The following CDK8 variants were observed in gnomAD, a reference collection of about 807,000 sequenced individuals.
The protein encoded by CDK8 is cyclin-dependent kinase 8.
Under a neutral mutation model 71.5 loss-of-function variants are expected in CDK8, and 29 were observed. That is an observed-to-expected ratio of 0.41 (90% CI 0.30 to 0.55). CDK8 has a LOEUF of 0.55. CDK8 is among the 20% of genes least tolerant of loss of function. The pLI, the probability that CDK8 is intolerant of heterozygous loss-of-function variation, is 0.37. For synonymous variants in CDK8, 161 were observed against 192.1 expected, an observed-to-expected ratio of 0.84 and a Z score of 1.34; for missense variants, 288 against 572.6, an observed-to-expected ratio of 0.50 and a Z score of 5.07.
chr13:26,295,896 C>T (rs900443824), intron 1 of CDK8, among the ~76,000 whole-genome samples: 3 of 152,066 alleles, frequency 2.0e-5, no homozygotes, highest in Non-Finnish European at 4.4e-5. Flanking sequence ...TTTCAATCTT[C>T]GTAAGCATTA....
intron 2 of CDK8, among the ~76,000 whole-genome samples, chr13:26,341,573 A>T (rs1226873599): frequency 1.3e-5 from 2 of 152,194 alleles, no homozygotes; most frequent in Non-Finnish European, 2.9e-5. Flanking sequence ...TTATAAATTA[A>T]GAATTTATTT....
chr13:26,304,597 C>G (rs1262186382), intron 1 of CDK8, among the ~76,000 whole-genome samples: 1 of 151,912 alleles, frequency 6.6e-6, no homozygotes, highest in Non-Finnish European at 1.5e-5. Flanking sequence ...TCCATTTACT[C>G]CCCCAGCCCT....
At chr13:26,305,812 C>G (rs917039379) in intron 1 of CDK8, among the ~76,000 whole-genome samples, 12 of 152,024 alleles carry the variant, frequency 7.9e-5, no homozygotes, top group African/African-American at 2.9e-4. Context: ...AATCTGTGTT[C>G]TATCTTGAGG....
intron 1 of CDK8, among the ~76,000 whole-genome samples, chr13:26,280,756 T>C (rs1398609952): frequency 1.3e-5 from 2 of 152,242 alleles, no homozygotes; most frequent in Non-Finnish European, 2.9e-5. Flanking sequence ...TCTGTCCACG[T>C]AGTCATGCCC....
chr13:26,326,780 T>C (rs546284128), intron 1 of CDK8, among the ~76,000 whole-genome samples: 4 of 152,292 alleles, frequency 2.6e-5, no homozygotes, highest in Admixed American at 1.3e-4. Context: ...GCAGTCTCTG[T>C]CTAATGATGC....
chr13:26,346,113 C>T (rs944638147), intron 2 of CDK8, among the ~76,000 whole-genome samples: 1 of 152,176 alleles, frequency 6.6e-6, no homozygotes, highest in Admixed American at 6.5e-5. Flanking sequence ...TTATTAATTG[C>T]TGGTTCTACC....
intron 1 of CDK8, among the ~76,000 whole-genome samples, chr13:26,259,268 T>G (rs533620363): frequency 6.6e-6 from 1 of 152,230 alleles, no homozygotes; most frequent in African/African-American, 2.4e-5. Flanking sequence ...CATCTGTAGA[T>G]TCAAGCAACT....
At chr13:26,269,622 A>G (rs1197155507) in intron 1 of CDK8, among the ~76,000 whole-genome samples, 3 of 152,266 alleles carry the variant, frequency 2.0e-5, no homozygotes, top group East Asian at 1.9e-4. Flanking sequence ...GAAAATTTCA[A>G]TGCAAGCAAA....
chr13:26,386,899 A>T (rs1022314749), intron 6 of CDK8, among the ~76,000 whole-genome samples: 4 of 152,158 alleles, frequency 2.6e-5, no homozygotes, highest in Non-Finnish European at 4.4e-5. Context: ...TGTATTTCAC[A>T]GTGATATGCT....
intron 1 of CDK8, among the ~76,000 whole-genome samples, chr13:26,278,774 T>C (rs1199449450): frequency 2.6e-5 from 4 of 152,204 alleles, no homozygotes; most frequent in Non-Finnish European, 5.9e-5. Flanking sequence ...GTTGACCCTG[T>C]GTATCTGTGG....
Position 26,290,430 on chromosome 13 carries a change from C to T in CDK8, c.128+35661C>T, listed in dbSNP as rs1015081468. Among the ~76,000 whole-genome samples, 5 of 152,050 alleles carry T rather than the reference C, an allele frequency of 3.3e-5. No homozygotes were observed. In the East Asian group the frequency reaches 9.6e-4, roughly 29 times the overall value. ...GATATGTAGTTGTAATAGAGTGAAA[C>T]TCACCTGATTATAGTATGCTTTGTA... On this transcript the variant is annotated intron_variant, in intron 1 of 12. Transcript: ENST00000381527.
intron 4 of CDK8, among the ~76,000 whole-genome samples, chr13:26,367,542 G>A (rs1452169082): frequency 6.6e-6 from 1 of 152,174 alleles, no homozygotes; most frequent in African/African-American, 2.4e-5. Context: ...AATGGGGCCA[G>A]ACCTATTTGT....
chr13:26,263,932 A>G (rs1429287200), intron 1 of CDK8, among the ~76,000 whole-genome samples: 1 of 151,412 alleles, frequency 6.6e-6, no homozygotes, highest in Non-Finnish European at 1.5e-5. Flanking sequence ...TACTTTTAGT[A>G]GAGACGGGGT....
chr13:26,300,879 G>A (rs1340215207), intron 1 of CDK8, among the ~76,000 whole-genome samples: 1 of 152,174 alleles, frequency 6.6e-6, no homozygotes, highest in Non-Finnish European at 1.5e-5. Context: ...AAATGGTAAA[G>A]ATAAAATAAT....
chr13:26,299,636 C>T (rs1873731900), intron 1 of CDK8, among the ~76,000 whole-genome samples: 1 of 152,200 alleles, frequency 6.6e-6, no homozygotes. Flanking sequence ...TTGCCTCTAG[C>T]ATGGGGTTTC....
At chr13:26,331,480 G>T (rs1593268485) in intron 1 of CDK8, among the ~76,000 whole-genome samples, 2 of 152,098 alleles carry the variant, frequency 1.3e-5, no homozygotes, top group South Asian at 4.1e-4. Context: ...TTTGTTGCCT[G>T]TGCTTTTGAG....
chr13:26,266,280 T>C (rs1872014765), intron 1 of CDK8, among the ~76,000 whole-genome samples: 1 of 152,240 alleles, frequency 6.6e-6, no homozygotes, highest in Non-Finnish European at 1.5e-5. Context: ...AGTTAGACTA[T>C]GTACTTAAAG....
Position 26,337,074 on chromosome 13 carries a change from G to A in CDK8, c.129-493G>A, listed in dbSNP as rs17083842. Among the ~76,000 whole-genome samples the A allele has an allele frequency of 6.9e-3, 1,050 of 152,258 alleles. 7 individuals are homozygous for A. Among genetic ancestry groups the A allele is most frequent in the African/African-American group, 0.01 (432 of 41,552 alleles). The stretch of plus-strand genomic sequence containing the variant: ...TAAGTGTTCAGTAAACACATGTTGC[G>A]TGAGTGTCTTTGAAAGTCTTTGGAG... On this transcript the variant is annotated intron_variant, in intron 1 of 12. Coordinates refer to ENST00000381527, the MANE Select transcript of CDK8 (RefSeq NM_001260.3).
At chr13:26,322,299 A>G (rs1565972051) in intron 1 of CDK8, among the ~76,000 whole-genome samples, 1 of 152,182 alleles carries the variant, frequency 6.6e-6, no homozygotes, top group Non-Finnish European at 1.5e-5. Context: ...GGTTAATATT[A>G]ACATTGCTAC....
Sources: gnomAD v4.1 joint callset for allele counts (sites outside exome capture counted in the v4.1 genomes callset) on GRCh38, gnomAD v4.1.1 for gene constraint, MANE v1.5 for transcripts, NCBI Gene and HGNC (gene_info 2026-07-23, HGNC 2026-07-21) for gene names.